Variants in NDUFS1 observed in about 807,000 individuals in gnomAD.
The protein encoded by NDUFS1 is NADH-ubiquinone oxidoreductase 75 kDa subunit, mitochondrial.
In NDUFS1, 61 loss-of-function variants were observed where a neutral mutation model predicts 84.4. The ratio of observed to expected loss-of-function variants is 0.72; its 90% CI spans 0.59 to 0.89. The LOEUF is 0.89. Ranked by LOEUF, NDUFS1 falls within the 40% of genes least tolerant of loss-of-function variation. The probability of loss-of-function intolerance (pLI) is 0.00; values close to 1 mark genes in which losing one functional copy is unlikely to be tolerated. For synonymous variants in NDUFS1, 275 were observed against 290.0 expected (o/e 0.95, Z 0.53); for missense variants, 891 against 890.0 (o/e 1.00, Z -0.01).
At chr2:206,147,185 A>T in intron 7 of NDUFS1, 97 bp from the exon 8 acceptor site, 1 of 1,210,900 alleles carries the variant, frequency 8.3e-7, no homozygotes, top group South Asian at 1.2e-5. Context: ...AAACACTAAA[A>T]AGAAATGAGT....
chr2:206,155,090 A>T (rs1255092452), intron 1 of NDUFS1, among the ~76,000 whole-genome samples: 1 of 151,314 alleles, frequency 6.6e-6, no homozygotes, highest in East Asian at 1.9e-4. Context: ...CAACCATGCC[A>T]GGCTAATTTT....
At chr2:206,138,726 C>A in intron 12 of NDUFS1, 112 bp from the exon 13 acceptor site, 1 of 1,175,068 alleles carries the variant, frequency 8.5e-7, no homozygotes, top group Admixed American at 1.8e-5. Context: ...AAAGCACAGA[C>A]AATACATTTA....
Position 206,116,520 on chromosome 2 carries a change from T to C in NDUFS1, c.*7665A>G. 8.7e-7 allele frequency: 1 copy of C among 1,143,628 alleles called. No homozygotes were observed. The highest frequency in any genetic ancestry group is 1.3e-6 in the Non-Finnish European group (1 of 796,650). 70.8% of individuals were successfully genotyped at this position (1,143,628 alleles called of 1,614,324 possible). On this transcript the variant is annotated 3_prime_UTR_variant, in exon 19 of 19. Transcript: ENST00000233190. ...CGCCATGTTCCCAGGGGTGCGGGGA[T>C]GGCAGCGCTACGCCTCAGCCACTCG...
intron 1 of NDUFS1, among the ~76,000 whole-genome samples, chr2:206,154,268 T>C (rs542759485): frequency 6.6e-6 from 1 of 152,388 alleles, no homozygotes; most frequent in South Asian, 2.1e-4. Flanking sequence ...TGAATTTTTC[T>C]ATCTTCAGTA....
intron 15 of NDUFS1, among the ~76,000 whole-genome samples, chr2:206,129,421 CCTAG>C (rs1691420256): frequency 2.0e-5 from 3 of 151,968 alleles, no homozygotes; most frequent in Admixed American, 1.3e-4. Flanking sequence ...CAGCAACACG[CCTAG>C]CTAATTTTTA....
rs1690939004 is a variant in NDUFS1, at chr2:206,116,230, T to C, written c.*7955A>G. ...AACCATCTTCATAACGAGATTTGTTTACAAGTCCTGGATTTTCTGCAAGAG... is the reference window on the plus strand; with the variant it reads ...AACCATCTTCATAACGAGATTTGTTCACAAGTCCTGGATTTTCTGCAAGAG... On this transcript the variant is annotated 3_prime_UTR_variant, in exon 19 of 19. Transcript: ENST00000233190. 2 of 1,288,954 alleles carry C rather than the reference T, an allele frequency of 1.6e-6. No individual in the cohort carries two copies. The highest frequency in any genetic ancestry group is 4.6e-5 in the East Asian group (2 of 43,436). The allele number at this position is 1,288,954 out of a possible 1,614,324, so 79.8% of individuals were successfully genotyped here. A position where few individuals can be genotyped will look rare whatever the true frequency, so the allele number is the denominator to read the frequency against.
Position 206,118,627 on chromosome 2 carries a change from T to C in NDUFS1, c.*5558A>G, listed in dbSNP as rs1559036396. On this transcript the variant is annotated 3_prime_UTR_variant, in exon 19 of 19. Coordinates refer to ENST00000233190, the MANE Select transcript of NDUFS1 (RefSeq NM_005006.7). ...TCTGGGTAACAGAGCCAGAATCTTA[T>C]TAGGGAATTCTGACATCTTCATCTT... 1 of 151,660 alleles carries C rather than the reference T, an allele frequency of 6.6e-6. No individual in the cohort carries two copies. Among genetic ancestry groups the C allele is most frequent in the Non-Finnish European group, 1.5e-5 (1 of 67,940 alleles). 9.4% of individuals were successfully genotyped at this position (151,660 alleles called of 1,614,324 possible).
intron 1 of NDUFS1, chr2:206,159,037 C>A: frequency 6.6e-7 from 1 of 1,525,948 alleles, no homozygotes; most frequent in East Asian, 2.4e-5. Flanking sequence ...CGGCCTCCTC[C>A]TCTGAGAGGG....
intron 12 of NDUFS1, among the ~76,000 whole-genome samples, chr2:206,140,952 A>ACACACACACG (rs1691922956): frequency 6.7e-6 from 1 of 149,422 alleles, no homozygotes; most frequent in African/African-American, 2.5e-5. Flanking sequence ...ATACACACAC[A>ACACACACACG]CTGAGAATCA....
rs568837172 is a variant in NDUFS1, at chr2:206,117,137, T to G, written c.*7048A>C. ...TGATCCAGGGAGGTTGAGGCTGCAGTGAACTGTGATCATGCCACTGAACCC... is the reference window on the plus strand; with the variant it reads ...TGATCCAGGGAGGTTGAGGCTGCAGGGAACTGTGATCATGCCACTGAACCC... On this transcript the variant is annotated 3_prime_UTR_variant, in exon 19 of 19. Transcript: ENST00000233190. 5.9e-5 allele frequency: 9 copies of G among 152,416 alleles called. No individual in the cohort carries two copies. The East Asian group carries it at 1.7e-3, about 29-fold the overall frequency. The allele number at this position is 152,416 out of a possible 1,614,324, so 9.4% of individuals were successfully genotyped here.
At chr2:206,149,567 C>T (rs908343003) in intron 4 of NDUFS1, among the ~76,000 whole-genome samples, 4 of 152,116 alleles carry the variant, frequency 2.6e-5, no homozygotes, top group Admixed American at 6.6e-5. Flanking sequence ...TTTGGAAATA[C>T]TGACAACTAT....
In NDUFS1 at chr2:206,118,851, G is replaced by C; in HGVS notation, c.*5334C>G. 1 of 152,234 alleles carries C rather than the reference G, an allele frequency of 6.6e-6. No individual in the cohort carries two copies. Among genetic ancestry groups the C allele is most frequent in the Non-Finnish European group, 1.5e-5 (1 of 68,082 alleles). 9.4% of individuals were successfully genotyped at this position (152,234 alleles called of 1,614,324 possible). A position where few individuals can be genotyped will look rare whatever the true frequency, so the allele number is the denominator to read the frequency against. On this transcript the variant is annotated 3_prime_UTR_variant, in exon 19 of 19. Transcript: ENST00000233190. ...GCCTGTAATCCCAGCACTCTGGGAG[G>C]TTGAGGCGGGTGGATCACCTGAGGT...
chr2:206,151,159 G>A (rs1413087533), intron 3 of NDUFS1, among the ~76,000 whole-genome samples: 4 of 151,912 alleles, frequency 2.6e-5, no homozygotes, highest in South Asian at 4.1e-4. Context: ...CTCTACAGTC[G>A]CTGTCACCCT....
chr2:206,146,842 A>G lies in NDUFS1; in HGVS notation c.737+61T>C. 14 of 1,490,956 alleles carry G rather than the reference A, an allele frequency of 9.4e-6. No individual in the cohort carries two copies. In the South Asian group the frequency reaches 1.6e-4, roughly 17 times the overall value. The allele number at this position is 1,490,956 out of a possible 1,614,324, so 92.4% of individuals were successfully genotyped here. On this transcript the variant is annotated intron_variant, in intron 8 of 18. Transcript: ENST00000233190. ...ACCCAGGAAGAAAATGAACCTTAAT[A>G]TTTTTTTGAATAGTAATGAATTAAG...
chr2:206,149,222 AG>A, intron 4 of NDUFS1, 126 bp from the exon 5 acceptor site: 1 of 740,482 alleles, frequency 1.4e-6, no homozygotes, highest in Non-Finnish European at 2.2e-6. Context: ...GGCAAAGAAT[AG>A]GGTATTTTTT....
chr2:206,159,408 G>A lies in NDUFS1; in HGVS notation c.-72C>T, dbSNP rs111650840. 12 of 500,150 alleles carry A rather than the reference G, an allele frequency of 2.4e-5. No homozygotes were observed. Among genetic ancestry groups the A allele is most frequent in the African/African-American group, 5.8e-5 (3 of 51,866 alleles). The allele number at this position is 500,150 out of a possible 1,614,324, so 31.0% of individuals were successfully genotyped here. The stretch of plus-strand genomic sequence containing the variant: ...GACCACGACGACCCCCTAGGAGGCC[G>A]GGTCGCTTATTCAATATGGCGGCCT... On this transcript the variant is annotated 5_prime_UTR_variant, in exon 1 of 19. Coordinates refer to ENST00000233190, the MANE Select transcript of NDUFS1 (RefSeq NM_005006.7).
intron 8 of NDUFS1, 32 bp from the exon 9 acceptor site, chr2:206,145,058 C>T (rs1446889967): frequency 1.3e-6 from 2 of 1,557,960 alleles, no homozygotes; most frequent in East Asian, 2.3e-5. Context: ...TACTATGGTG[C>T]TTTTGGGAAT....
chr2:206,149,237 A>G (rs2105977331), intron 4 of NDUFS1, 141 bp from the exon 5 acceptor site: 1 of 692,950 alleles, frequency 1.4e-6, no homozygotes, highest in Non-Finnish European at 2.4e-6. Context: ...ATTTTTTAAA[A>G]CTGAATTTTG....
At chr2:206,150,291 T>C (rs1478987893) in intron 3 of NDUFS1, among the ~76,000 whole-genome samples, 3 of 152,172 alleles carry the variant, frequency 2.0e-5, no homozygotes, top group African/African-American at 4.8e-5. Flanking sequence ...TCCCCTCCTT[T>C]GGATTAGAGA....
Sources: gnomAD v4.1 joint callset for allele counts (sites outside exome capture counted in the v4.1 genomes callset) on GRCh38, gnomAD v4.1.1 for gene constraint, MANE v1.5 for transcripts, NCBI Gene and HGNC (gene_info 2026-07-23, HGNC 2026-07-21) for gene names.